Variants in UGT2A2 observed in about 807,000 individuals in gnomAD.
UGT2A2 encodes UDP glucuronosyltransferase family 2 member A2, also known as UDP-glucuronosyltransferase 2A2.
A neutral mutation model predicts 50.7 loss-of-function variants in UGT2A2; 60 were observed. The ratio of observed to expected loss-of-function variants is 1.18; its 90% CI spans 0.96 to 1.47. The LOEUF (loss-of-function observed/expected upper bound fraction) is 1.47. Ranked by LOEUF, UGT2A2 falls within the 40% of genes most tolerant of loss-of-function variation. The pLI is 0.00. For missense variants in UGT2A2, 762 were observed against 634.0 expected, an observed-to-expected ratio of 1.20 and a Z score of -2.17; for synonymous variants, 242 against 214.6, an observed-to-expected ratio of 1.13 and a Z score of -1.11.
intron 1 of UGT2A2, among the ~76,000 whole-genome samples, chr4:69,620,189 A>G (rs370917499): frequency 1.5e-4 from 23 of 152,150 alleles, no homozygotes; most frequent in African/African-American, 4.8e-4. Flanking sequence ...GAGAAAGTCA[A>G]ACTTTCCTGG....
chr4:69,624,139 T>C (rs946743212), intron 1 of UGT2A2, among the ~76,000 whole-genome samples: 6 of 151,584 alleles, frequency 4.0e-5, no homozygotes, highest in South Asian at 2.1e-4. Context: ...TTTTCATCAA[T>C]TTACTTTCTT....
intron 5 of UGT2A2, among the ~76,000 whole-genome samples, chr4:69,591,653 A>G (rs1263598993): frequency 6.6e-6 from 1 of 152,098 alleles, no homozygotes; most frequent in African/African-American, 2.4e-5. Flanking sequence ...TTAAATTTTA[A>G]CTTCCTCTGG....
intron 1 of UGT2A2, among the ~76,000 whole-genome samples, chr4:69,601,719 C>A (rs1424491541): frequency 1.3e-5 from 2 of 151,462 alleles, no homozygotes; most frequent in African/African-American, 4.9e-5. Flanking sequence ...TCCCCTGCCA[C>A]CCCTGTCAGA....
chr4:69,595,551 T>C (rs1245103882), intron 3 of UGT2A2, among the ~76,000 whole-genome samples: 2 of 152,080 alleles, frequency 1.3e-5, no homozygotes, highest in Non-Finnish European at 2.9e-5. Context: ...AATCACAACA[T>C]GAAGGGGAAA....
chr4:69,590,620 A>G (rs1441888253), intron 5 of UGT2A2, among the ~76,000 whole-genome samples: 2 of 148,694 alleles, frequency 1.3e-5, no homozygotes, highest in Non-Finnish European at 3.0e-5. Flanking sequence ...CAGCAGCAGG[A>G]GTAGTTTACA....
intron 1 of UGT2A2, among the ~76,000 whole-genome samples, chr4:69,610,197 A>G (rs1049270914): frequency 6.6e-6 from 1 of 152,126 alleles, no homozygotes; most frequent in African/African-American, 2.4e-5. Context: ...TAAATGTGCA[A>G]AAATTAAAGT....
chr4:69,592,487 C>A (rs2109875556), intron 5 of UGT2A2, among the ~76,000 whole-genome samples: 1 of 152,072 alleles, frequency 6.6e-6, no homozygotes, highest in Non-Finnish European at 1.5e-5. Context: ...AATATGATAT[C>A]AAAATTGACT....
chr4:69,633,491 ACAAGAATGT>A (rs371049692), intron 1 of UGT2A2, among the ~76,000 whole-genome samples: 9 of 152,194 alleles, frequency 5.9e-5, no homozygotes, highest in African/African-American at 2.2e-4. Context: ...AATATTAGGT[ACAAGAATGT>A]TCAAAGCAGT....
chr4:69,596,816 C>T (rs2109884851), intron 2 of UGT2A2, among the ~76,000 whole-genome samples: 1 of 152,244 alleles, frequency 6.6e-6, no homozygotes, highest in Admixed American at 6.5e-5. Flanking sequence ...GCCACTGTGC[C>T]CAGTCAGAAA....
At chr4:69,608,685 A>T (rs150921527) in intron 1 of UGT2A2, among the ~76,000 whole-genome samples, 191 of 152,158 alleles carry the variant, frequency 1.3e-3, no homozygotes, top group African/African-American at 4.3e-3. Flanking sequence ...CACACAAAAA[A>T]TAATTTATTT....
chr4:69,606,741 A>C (rs1262532759), intron 1 of UGT2A2, among the ~76,000 whole-genome samples: 1 of 137,008 alleles, frequency 7.3e-6, no homozygotes, highest in Non-Finnish European at 1.6e-5. Context: ...ATACAAAATC[A>C]ATGTGCAAAA....
At chr4:69,607,217 A>AGCATGGTACTG (rs1235323614) in intron 1 of UGT2A2, among the ~76,000 whole-genome samples, 8 of 150,460 alleles carry the variant, frequency 5.3e-5, no homozygotes, top group Non-Finnish European at 8.9e-5. Context: ...GTACCAAAAC[A>AGCATGGTACTG]GAGATAAAGA....
chr4:69,595,120 C>G (rs1560467135), intron 4 of UGT2A2, 42 bp downstream of exon 4: 1 of 1,608,938 alleles, frequency 6.2e-7, no homozygotes, highest in Non-Finnish European at 8.5e-7. Flanking sequence ...CTTAACTTGT[C>G]TATTGTCCCA....
At chr4:69,608,321 C>CA (rs11323266) in intron 1 of UGT2A2, among the ~76,000 whole-genome samples, 6 of 145,548 alleles carry the variant, frequency 4.1e-5, no homozygotes, top group Non-Finnish European at 7.4e-5. Context: ...ATCTCAAGGA[C>CA]AAAAAAACAA....
rs543243088 is a variant in UGT2A2 at position 69,634,843 on chromosome 4, G to A, written c.742+4056C>T. On this transcript the variant is annotated intron_variant, in intron 1 of 5. Transcript: ENST00000604629. ...GGTAAACAATGCATGATTTTCCACTGACATCTAGAATGAGACAAAATGCCC... is the reference window on the plus strand; with the variant it reads ...GGTAAACAATGCATGATTTTCCACTAACATCTAGAATGAGACAAAATGCCC... Among the ~76,000 whole-genome samples, 5 of 152,230 alleles carry A rather than the reference G, an allele frequency of 3.3e-5. No individual in the cohort carries two copies. The East Asian group carries it at 9.7e-4, about 29-fold the overall frequency.
At chr4:69,625,446 G>A (rs1458256553) in intron 1 of UGT2A2, among the ~76,000 whole-genome samples, 1 of 150,916 alleles carries the variant, frequency 6.6e-6, no homozygotes, top group Non-Finnish European at 1.5e-5. Context: ...TTGTGGGGAA[G>A]GGAGAAGTGA....
chr4:69,590,518 G>A (rs761966275), intron 5 of UGT2A2, among the ~76,000 whole-genome samples: 51 of 152,128 alleles, frequency 3.4e-4, no homozygotes, highest in African/African-American at 9.4e-4. Context: ...AATGGTTTGT[G>A]CAGAGATGTC....
In UGT2A2 at chr4:69,630,558, A is replaced by G. The variant is rs186645565; in HGVS notation, c.742+8341T>C. 6.8e-4 allele frequency among the ~76,000 whole-genome samples: 104 copies of G among 152,244 alleles called. 1 individual carries two copies. In the East Asian group the frequency reaches 0.016, roughly 23 times the overall value. On this transcript the variant is annotated intron_variant, in intron 1 of 5. Coordinates refer to ENST00000604629, the MANE Select transcript of UGT2A2 (RefSeq NM_001105677.2). Reference sequence around the variant, plus strand: ...CTACTACAAATCACTGTGAATATCAATACTCCTCCAAGTAGAAAAGGGTCA... The same window carrying G: ...CTACTACAAATCACTGTGAATATCAGTACTCCTCCAAGTAGAAAAGGGTCA...
intron 1 of UGT2A2, 197 bp from the exon 2 acceptor site, chr4:69,599,591 AGAAG>A (rs957183341): frequency 1.0e-5 from 8 of 772,022 alleles, no homozygotes; most frequent in African/African-American, 1.8e-5. Flanking sequence ...AAGGAAGAAA[AGAAG>A]GAAGGAAGGG....
Sources: allele counts gnomAD v4.1 joint callset (sites outside exome capture counted in the v4.1 genomes callset), GRCh38; gene constraint gnomAD v4.1.1; transcripts MANE v1.5; gene names NCBI Gene and HGNC (gene_info 2026-07-23, HGNC 2026-07-21).